VIPR1: variants seen among roughly 807,000 people sequenced by gnomAD.
The protein encoded by VIPR1 is vasoactive intestinal polypeptide receptor 1.
Under a neutral mutation model 58.8 loss-of-function variants are expected in VIPR1, and 59 were observed. The observed-to-expected ratio is 1.00, with a 90% CI of 0.81 to 1.25. VIPR1 has a LOEUF of 1.25. Ranked by LOEUF, VIPR1 falls within the 50% of genes most tolerant of loss-of-function variation. VIPR1 has a pLI of 0.00. For synonymous variants in VIPR1, 251 were observed against 242.1 expected (o/e 1.04, Z -0.34); for missense variants, 626 against 602.7 (o/e 1.04, Z -0.40).
intron 1 of VIPR1, among the ~76,000 whole-genome samples, chr3:42,505,320 A>G (rs966830163): frequency 2.0e-5 from 3 of 152,224 alleles, no homozygotes; most frequent in Non-Finnish European, 2.9e-5. Flanking sequence ...GACAGGACCA[A>G]TGGGCCTGCC....
At chr3:42,528,147 C>T (rs1277547894) in intron 6 of VIPR1, 24 bp downstream of exon 6, 3 of 1,609,910 alleles carry the variant, frequency 1.9e-6, no homozygotes, top group Non-Finnish European at 2.5e-6. Flanking sequence ...CCCTGGCCCA[C>T]CTCCCTCAGT....
chr3:42,527,396 C>G lies in VIPR1; in HGVS notation c.403C>G (p.Gln135Glu), dbSNP rs1701288921. 1 of 1,613,646 alleles carries G rather than the reference C, an allele frequency of 6.2e-7. No homozygotes were observed. Among genetic ancestry groups the G allele is most frequent in the Middle Eastern group, 1.7e-4 (1 of 6,058 alleles). ...CCTCTCCCTGTCCCTCCAACAGCAGCAGACCATGTTCTACGGTTCTGTGAA... is the reference window on the plus strand; with the variant it reads ...CCTCTCCCTGTCCCTCCAACAGCAGGAGACCATGTTCTACGGTTCTGTGAA... ...DDKAASLDEQQTMFYGSVKTG... is the reference protein window; with the variant it reads ...DDKAASLDEQETMFYGSVKTG... Residue 135 changes from glutamine (Q) to glutamate (E), a missense_variant, in exon 5 of 13, where the codon CAG becomes GAG. By Grantham distance (29) the Gln-to-Glu change is conservative. Coordinates refer to ENST00000325123, the MANE Select transcript of VIPR1 (RefSeq NM_004624.4).
rs374118298 is a variant in VIPR1 at position 42,490,108 on chromosome 3, C to T, written c.-245+430C>T. Reference sequence around the variant, plus strand: ...CTGGTCTCCCTACTTAGCCTGGGAGCTCCCAGGGCAGGAGTTCAGCTTCCT... The same window carrying T: ...CTGGTCTCCCTACTTAGCCTGGGAGTTCCCAGGGCAGGAGTTCAGCTTCCT... On this transcript the variant is annotated intron_variant, in intron 1 of 13. Transcript: ENST00000433647. Among the ~76,000 whole-genome samples, 10 of 152,268 alleles carry T rather than the reference C, an allele frequency of 6.6e-5. No homozygotes were observed. The East Asian group carries it at 1.9e-3, about 30-fold the overall frequency.
chr3:42,519,252 T>C lies in VIPR1; in HGVS notation c.214T>C (p.Cys72Arg), dbSNP rs1457985621. 2 of 1,610,730 alleles carry C rather than the reference T, an allele frequency of 1.2e-6. No homozygotes were observed. Among genetic ancestry groups the C allele is most frequent in the South Asian group, 1.1e-5 (1 of 90,210 alleles). ...CAGCAAGATGTGGGACAACCTCACC[T>C]GCTGGCCAGCCACCCCTCGGGGCCA... ...GCSKMWDNLTCWPATPRGQVV... is the reference protein window; with the variant it reads ...GCSKMWDNLTRWPATPRGQVV... The change falls in exon 3 of 13, where the codon TGC becomes CGC. Residue 72 changes from cysteine to arginine, a missense_variant. Transcript: ENST00000325123.
chr3:42,531,980 T>C (rs1463223000), intron 9 of VIPR1, 111 bp downstream of exon 9: 2 of 1,274,848 alleles, frequency 1.6e-6, no homozygotes, highest in Non-Finnish European at 2.2e-6. Context: ...AAACGTAGCT[T>C]CCTAATGCCC....
intron 1 of VIPR1, among the ~76,000 whole-genome samples, chr3:42,510,103 C>T (rs1511955): frequency 0.012 from 1,794 of 152,352 alleles, 29 homozygotes; most frequent in East Asian, 0.059. Flanking sequence ...CATCTCTCAA[C>T]TTGTCTCCTG....
At chr3:42,511,343 A>G (rs866324665) in intron 1 of VIPR1, among the ~76,000 whole-genome samples, 5 of 152,190 alleles carry the variant, frequency 3.3e-5, no homozygotes, top group African/African-American at 1.2e-4. Flanking sequence ...CACTTAATCC[A>G]AAGTCCCAGG....
At chr3:42,500,682 G>A (rs539830445), upstream of VIPR1, among the ~76,000 whole-genome samples, 17 of 152,240 alleles carry the variant, frequency 1.1e-4, no homozygotes, top group East Asian at 2.5e-3. Flanking sequence ...GACCCGAGAC[G>A]GGGTACACAG....
In VIPR1 at chr3:42,536,319, C is replaced by T. The variant is rs1342197760; in HGVS notation, c.*38C>T. 6.7e-7 allele frequency: 1 copy of T among 1,484,332 alleles called. No individual in the cohort carries two copies. The highest frequency in any genetic ancestry group is 2.2e-5 in the Admixed American group (1 of 45,214). The allele number at this position is 1,484,332 out of a possible 1,614,324, so 91.9% of individuals were successfully genotyped here. ...CAGGGGCCCAAGGCGGCCCCTCCCG[C>T]CCCTTCCCACTCACCCCGGCAGACG... On this transcript the variant is annotated 3_prime_UTR_variant, in exon 13 of 13. Coordinates refer to ENST00000325123, the MANE Select transcript of VIPR1 (RefSeq NM_004624.4).
chr3:42,526,562 T>C (rs1389646355), intron 4 of VIPR1, among the ~76,000 whole-genome samples: 1 of 152,198 alleles, frequency 6.6e-6, no homozygotes, highest in Non-Finnish European at 1.5e-5. Flanking sequence ...TGCATGTGTG[T>C]GTGTCTGTCT....
intron 6 of VIPR1, 68 bp from the exon 7 acceptor site, chr3:42,530,711 C>G (rs1487253251): frequency 6.4e-7 from 1 of 1,556,330 alleles, no homozygotes; most frequent in Non-Finnish European, 8.8e-7. Flanking sequence ...TCCCCCCAGA[C>G]ACGAGTGTGG....
upstream of VIPR1, chr3:42,502,471 G>C (rs1047656095): frequency 1.1e-4 from 38 of 339,808 alleles, no homozygotes; most frequent in Non-Finnish European, 1.9e-4. Flanking sequence ...TTGGCAAAGA[G>C]AGAGCAGAGC....
chr3:42,526,298 G>T (rs562035156), intron 4 of VIPR1, among the ~76,000 whole-genome samples: 48 of 152,346 alleles, frequency 3.2e-4, no homozygotes, highest in African/African-American at 1.1e-3. Flanking sequence ...GAGTTGGCAG[G>T]GCAGGCAGAC....
chr3:42,499,887 C>T (rs1699835153), upstream of VIPR1, among the ~76,000 whole-genome samples: 1 of 152,198 alleles, frequency 6.6e-6, no homozygotes, highest in Non-Finnish European at 1.5e-5. Context: ...TGACCCCCTT[C>T]CCCCCAGTGC....
At position 42,536,331 on chromosome 3, in the gene VIPR1, C is replaced by T. The variant is rs929695491; in HGVS notation, c.*50C>T. ...GCGGCCCCTCCCGCCCCTTCCCACT[C>T]ACCCCGGCAGACGCCGGGGACAGAG... On this transcript the variant is annotated 3_prime_UTR_variant, in exon 13 of 13. Transcript: ENST00000325123. 1.4e-6 allele frequency: 2 copies of T among 1,474,806 alleles called. No individual in the cohort carries two copies. The highest frequency in any genetic ancestry group is 1.8e-6 in the Non-Finnish European group (2 of 1,118,248). The allele number at this position is 1,474,806 out of a possible 1,614,324, so 91.4% of individuals were successfully genotyped here.
intron 1 of VIPR1, 80 bp downstream of exon 1, chr3:42,502,893 C>A: frequency 9.2e-7 from 1 of 1,091,494 alleles, no homozygotes; most frequent in Non-Finnish European, 1.2e-6. Context: ...TGGCGGGAGC[C>A]GGGCCGTCTG....
chr3:42,500,083 G>A (rs970885321), upstream of VIPR1: 2 of 152,226 alleles, frequency 1.3e-5, no homozygotes, highest in African/African-American at 4.8e-5. Context: ...AATTCTGAAA[G>A]AACAAAGAAG....
intron 2 of VIPR1, among the ~76,000 whole-genome samples, chr3:42,517,210 A>G (rs560395824): frequency 6.6e-6 from 1 of 152,252 alleles, no homozygotes; most frequent in South Asian, 2.1e-4. Context: ...CTGCCAGCCC[A>G]CTCCAATGCA....
chr3:42,505,176 A>G (rs1700060757), intron 1 of VIPR1, among the ~76,000 whole-genome samples: 1 of 152,212 alleles, frequency 6.6e-6, no homozygotes, highest in African/African-American at 2.4e-5. Context: ...TGTGGGGTAC[A>G]GCCTCCTAGA....
Sources: gnomAD v4.1 joint callset for allele counts (sites outside exome capture counted in the v4.1 genomes callset) on GRCh38, gnomAD v4.1.1 for gene constraint, MANE v1.5 for transcripts, NCBI Gene and HGNC (gene_info 2026-07-23, HGNC 2026-07-21) for gene names.